The following PIP4K2A variants were observed in gnomAD, a reference collection of about 807,000 sequenced individuals.
PIP4K2A encodes phosphatidylinositol-5-phosphate 4-kinase type 2 alpha, also known as phosphatidylinositol 5-phosphate 4-kinase type-2 alpha.
Under a neutral mutation model 42.9 loss-of-function variants are expected in PIP4K2A, and 14 were observed. The observed-to-expected ratio is 0.33, with a 90% CI of 0.22 to 0.51. The LOEUF (loss-of-function observed/expected upper bound fraction) is 0.51. Ranked by LOEUF, PIP4K2A falls within the 20% of genes least tolerant of loss-of-function variation. The probability of loss-of-function intolerance (pLI) is 0.97; values close to 1 mark genes in which losing one functional copy is unlikely to be tolerated. For synonymous variants in PIP4K2A, 192 were observed against 192.2 expected, an observed-to-expected ratio of 1.00 and a Z score of 0.01; for missense variants, 434 against 519.8, an observed-to-expected ratio of 0.83 and a Z score of 1.61.
chr10:22,556,232 C>A (rs894348408), intron 6 of PIP4K2A, among the ~76,000 whole-genome samples: 2 of 152,108 alleles, frequency 1.3e-5, no homozygotes, highest in African/African-American at 4.8e-5. Context: ...CAGGATGCAT[C>A]GAAGGTGACA....
chr10:22,642,133 T>C (rs1353246404), intron 1 of PIP4K2A: 1 of 152,252 alleles, frequency 6.6e-6, no homozygotes, highest in Non-Finnish European at 1.5e-5. Flanking sequence ...TTTGCATCCC[T>C]GGTTCCAGCT....
chr10:22,663,276 T>C (rs1458407769), intron 1 of PIP4K2A, among the ~76,000 whole-genome samples: 5 of 152,310 alleles, frequency 3.3e-5, no homozygotes, highest in Admixed American at 2.0e-4. Flanking sequence ...TTTGCTAAGG[T>C]AGTAAATCGA....
chr10:22,552,072 T>A (rs1836424533), intron 6 of PIP4K2A, among the ~76,000 whole-genome samples: 1 of 152,208 alleles, frequency 6.6e-6, no homozygotes, highest in Non-Finnish European at 1.5e-5. Flanking sequence ...CCACAATCTT[T>A]ATAAGCCAAA....
intron 6 of PIP4K2A, 90 bp from the exon 7 acceptor site, chr10:22,550,862 GCCCCTTTCACCGCCCCCA>G: frequency 2.5e-6 from 2 of 798,440 alleles, no homozygotes; most frequent in Non-Finnish European, 4.3e-6. Flanking sequence ...ACTGAAGTTT[GCCCCTTTCACCGCCCCCA>G]CCCCGTTCAC....
rs560250803 is a variant in PIP4K2A at position 22,614,202 on chromosome 10, T to C, written c.145-4485A>G. On this transcript the variant is annotated intron_variant, in intron 1 of 9. Coordinates refer to ENST00000376573, the MANE Select transcript of PIP4K2A (RefSeq NM_005028.5). ...TCCAAAACCAGACTACCCCAAGAGGTAGAGAATGTTTGGTCCTCTTTATCT... is the reference window on the plus strand; with the variant it reads ...TCCAAAACCAGACTACCCCAAGAGGCAGAGAATGTTTGGTCCTCTTTATCT... Among the ~76,000 whole-genome samples the C allele has an allele frequency of 2.0e-5, 3 of 152,248 alleles. No individual in the cohort carries two copies. In the South Asian group the frequency reaches 6.2e-4, roughly 32 times the overall value.
chr10:22,578,951 T>C (rs1239640916), intron 4 of PIP4K2A, among the ~76,000 whole-genome samples: 2 of 152,272 alleles, frequency 1.3e-5, no homozygotes, highest in East Asian at 3.9e-4. Context: ...CCTCCAGGTG[T>C]TACAAATATG....
rs967373894 is a variant in PIP4K2A at position 22,714,440 on chromosome 10, G to GCGCTC, written c.-119_-115dup. 2.5e-5 allele frequency: 16 copies of GCGCTC among 644,470 alleles called. No homozygotes were observed. Among genetic ancestry groups the GCGCTC allele is most frequent in the Admixed American group, 1.2e-4 (2 of 16,270 alleles). The allele number at this position is 644,470 out of a possible 1,614,324, so 39.9% of individuals were successfully genotyped here. A position where few individuals can be genotyped will look rare whatever the true frequency, so the allele number is the denominator to read the frequency against. On this transcript the variant is annotated 5_prime_UTR_variant, in exon 1 of 10. Transcript: ENST00000376573. ...CCCCCGGCGGCGGCCCCGGCGCGCC[G>GCGCTC]CGCTCCGCTCCGCCCGCCGCCGCCG...
chr10:22,598,904 T>C (rs747631585), intron 3 of PIP4K2A, among the ~76,000 whole-genome samples: 1 of 152,246 alleles, frequency 6.6e-6, no homozygotes, highest in Non-Finnish European at 1.5e-5. Flanking sequence ...ACTTTCTTCA[T>C]TGGCTATTCC....
chr10:22,687,626 G>A (rs569499624), intron 1 of PIP4K2A, among the ~76,000 whole-genome samples: 7 of 151,968 alleles, frequency 4.6e-5, no homozygotes, highest in Middle Eastern at 3.4e-3. Flanking sequence ...GTGGACAACC[G>A]GTTGCAGGAA....
At position 22,596,367 on chromosome 10, in the gene PIP4K2A, T is replaced by A. The variant is rs372024738; in HGVS notation, c.340-4586A>T. ...CATCATCTCAGCAGGGGCCTAATGATGGTTTAGGACACCTGGGCTGAGATG... is the reference window on the plus strand; with the variant it reads ...CATCATCTCAGCAGGGGCCTAATGAAGGTTTAGGACACCTGGGCTGAGATG... On this transcript the variant is annotated intron_variant, in intron 3 of 9. Coordinates refer to ENST00000376573, the MANE Select transcript of PIP4K2A (RefSeq NM_005028.5). Among the ~76,000 whole-genome samples the A allele has an allele frequency of 3.3e-5, 5 of 152,246 alleles. No individual in the cohort carries two copies. In the East Asian group the frequency reaches 5.8e-4, roughly 18 times the overall value.
At chr10:22,551,268 CT>C (rs1422015589) in intron 6 of PIP4K2A, among the ~76,000 whole-genome samples, 1 of 152,176 alleles carries the variant, frequency 6.6e-6, no homozygotes, top group African/African-American at 2.4e-5. Flanking sequence ...ATCATATCTA[CT>C]TTCTGCACCA....
intron 1 of PIP4K2A, among the ~76,000 whole-genome samples, chr10:22,681,365 A>C (rs950022232): frequency 7.2e-5 from 11 of 152,336 alleles, no homozygotes; most frequent in African/African-American, 2.6e-4. Context: ...CTTCTGAGCC[A>C]CCTGGCTTCT....
In PIP4K2A at chr10:22,684,857, A is replaced by G. The variant is rs577110563; in HGVS notation, c.144+29326T>C. ...AAGTTGTGCTTTGGTGGGTCCTTAT[A>G]GCACTGCTTATGGACATCTTGTCCA... is the stretch of plus-strand genomic sequence containing the variant. On this transcript the variant is annotated intron_variant, in intron 1 of 9. Coordinates refer to ENST00000376573, the MANE Select transcript of PIP4K2A (RefSeq NM_005028.5). Among the ~76,000 whole-genome samples, 15 of 152,332 alleles carry G rather than the reference A, an allele frequency of 9.8e-5. No homozygotes were observed. The South Asian group carries it at 2.9e-3, about 29-fold the overall frequency.
At chr10:22,683,933 G>T (rs996756338) in intron 1 of PIP4K2A, among the ~76,000 whole-genome samples, 4 of 151,898 alleles carry the variant, frequency 2.6e-5, no homozygotes, top group African/African-American at 9.7e-5. Flanking sequence ...GAATCGCCCA[G>T]CGCTTCCTTG....
intron 4 of PIP4K2A, among the ~76,000 whole-genome samples, chr10:22,584,915 G>A (rs562821209): frequency 4.5e-4 from 68 of 152,280 alleles, no homozygotes; most frequent in African/African-American, 1.4e-3. Context: ...TGAGTGCTCA[G>A]AATGTTCTGT....
rs76361511 is a variant in PIP4K2A at position 22,685,229 on chromosome 10, G to A, written c.144+28954C>T. 2.6e-4 allele frequency among the ~76,000 whole-genome samples: 40 copies of A among 152,166 alleles called. 1 individual carries two copies. The East Asian group carries it at 7.7e-3, about 29-fold the overall frequency. On this transcript the variant is annotated intron_variant, in intron 1 of 9. Coordinates refer to ENST00000376573, the MANE Select transcript of PIP4K2A (RefSeq NM_005028.5). ...GATAATTTTTAAAAGGAGTTTAAGA[G>A]TCCCAGTGTATACTCTTCAACTGAT...
chr10:22,667,443 G>C (rs548763519), intron 1 of PIP4K2A, among the ~76,000 whole-genome samples: 3 of 152,306 alleles, frequency 2.0e-5, no homozygotes, highest in Admixed American at 6.5e-5. Flanking sequence ...CTTTGGCTTT[G>C]AATGTGTTGC....
chr10:22,685,373 C>A (rs1322651765), intron 1 of PIP4K2A, among the ~76,000 whole-genome samples: 1 of 152,010 alleles, frequency 6.6e-6, no homozygotes, highest in Non-Finnish European at 1.5e-5. Flanking sequence ...AAATTTTGGT[C>A]ATGACAGAAT....
intron 1 of PIP4K2A, among the ~76,000 whole-genome samples, chr10:22,616,265 G>A (rs192360582): frequency 6.6e-6 from 1 of 152,288 alleles, no homozygotes; most frequent in Non-Finnish European, 1.5e-5. Flanking sequence ...GCTTGGCTCA[G>A]CTTTACCCTA....
Sources: gnomAD v4.1 joint callset for allele counts (sites outside exome capture counted in the v4.1 genomes callset) on GRCh38, gnomAD v4.1.1 for gene constraint, MANE v1.5 for transcripts, NCBI Gene and HGNC (gene_info 2026-07-23, HGNC 2026-07-21) for gene names.